Variants in KCNAB1 observed in about 807,000 individuals in gnomAD.
The protein encoded by KCNAB1 is voltage-gated potassium channel subunit beta-1.
A neutral mutation model predicts 64.6 loss-of-function variants in KCNAB1; 35 were observed. The ratio of observed to expected loss-of-function variants is 0.54; its 90% CI spans 0.41 to 0.72. KCNAB1 has a LOEUF of 0.72. KCNAB1 is among the 30% of genes least tolerant of loss of function. The pLI is 0.00. For missense variants in KCNAB1, 401 were observed against 512.9 expected, an observed-to-expected ratio of 0.78 and a Z score of 2.11; for synonymous variants, 177 against 183.8, an observed-to-expected ratio of 0.96 and a Z score of 0.30.
chr3:156,411,199 AT>A lies in KCNAB1; in HGVS notation c.276-10409del, dbSNP rs555194207. Among the ~76,000 whole-genome samples, 16 of 151,642 alleles carry A rather than the reference AT, an allele frequency of 1.1e-4. No individual in the cohort carries two copies. In the South Asian group the frequency reaches 2.7e-3, roughly 26 times the overall value. ...TTATATTTTCCTAATGGTGTTGAGC[AT>A]TTTTTTTCATATGCTTATTTGCCAT... is the stretch of plus-strand genomic sequence containing the variant. On this transcript the variant is annotated intron_variant, in intron 1 of 13. Coordinates refer to ENST00000490337, the MANE Select transcript of KCNAB1 (RefSeq NM_172160.3).
intron 1 of KCNAB1, among the ~76,000 whole-genome samples, chr3:156,312,611 C>G (rs535085419): frequency 1.2e-4 from 16 of 135,496 alleles, no homozygotes; most frequent in African/African-American, 4.5e-4. Context: ...ACTTGGGAGG[C>G]TGAGGCAGGA....
In KCNAB1 at chr3:156,281,316, C is replaced by A. The variant is rs1406353941; in HGVS notation, c.276-140300C>A. 2.0e-5 allele frequency among the ~76,000 whole-genome samples: 3 copies of A among 152,156 alleles called. No individual in the cohort carries two copies. In the East Asian group the frequency reaches 5.8e-4, roughly 29 times the overall value. ...AGCCTTGCATCCCAGGGATAAAGCC[C>A]ACTTGATCATGGTGGATAAGCTTTT... is the stretch of plus-strand genomic sequence containing the variant. On this transcript the variant is annotated intron_variant, in intron 1 of 13. Transcript: ENST00000490337.
In KCNAB1 at chr3:156,228,614, CCTT is replaced by C. The variant is rs1329536580; in HGVS notation, c.275+107731_275+107733del. 1.1e-4 allele frequency among the ~76,000 whole-genome samples: 17 copies of C among 152,280 alleles called. 1 individual carries two copies. Among genetic ancestry groups the C allele is most frequent in the African/African-American group, 4.1e-4 (17 of 41,550 alleles). The stretch of plus-strand genomic sequence containing the variant: ...GGTGGGAAGTGGGGAGGGCACCTCT[CCTT>C]CTCATGTTGCCTTCCACTGAAAGGC... On this transcript the variant is annotated intron_variant, in intron 1 of 13. Transcript: ENST00000490337.
At chr3:156,158,206 A>G (rs1715868917) in intron 1 of KCNAB1, among the ~76,000 whole-genome samples, 1 of 145,082 alleles carries the variant, frequency 6.9e-6, no homozygotes, top group Non-Finnish European at 1.5e-5. Flanking sequence ...AAATAAATAA[A>G]TAAATAAATA....
intron 1 of KCNAB1, among the ~76,000 whole-genome samples, chr3:156,326,727 G>T (rs1722988532): frequency 6.6e-6 from 1 of 152,064 alleles, no homozygotes; most frequent in African/African-American, 2.4e-5. Flanking sequence ...ATTTGGCATG[G>T]CTCCCTTCTG....
chr3:156,265,956 C>T (rs144082578), intron 1 of KCNAB1, among the ~76,000 whole-genome samples: 1 of 152,124 alleles, frequency 6.6e-6, no homozygotes, highest in Admixed American at 6.5e-5. Flanking sequence ...TGCACCACTG[C>T]ACTCCAGCCT....
intron 2 of KCNAB1, among the ~76,000 whole-genome samples, chr3:156,439,224 A>ATTTTTTTTTTTTTTTTTTTTT: frequency 8.7e-6 from 1 of 115,120 alleles, no homozygotes; most frequent in Non-Finnish European, 1.8e-5. Context: ...CATCATTGTG[A>ATTTTTTTTTTTTTTTTTTTTT]TTTTTTTTTT....
intron 1 of KCNAB1, among the ~76,000 whole-genome samples, chr3:156,295,648 C>G (rs1312164155): frequency 6.6e-6 from 1 of 152,166 alleles, no homozygotes; most frequent in Non-Finnish European, 1.5e-5. Flanking sequence ...GAACAAGATT[C>G]CACCTAATGT....
At chr3:156,361,825 A>G (rs1347189620) in intron 1 of KCNAB1, among the ~76,000 whole-genome samples, 7 of 152,022 alleles carry the variant, frequency 4.6e-5, no homozygotes, top group Non-Finnish European at 1.0e-4. Context: ...CACCCAGCCA[A>G]TTTTTAAAAT....
chr3:156,120,244 G>C (rs566482702), upstream of KCNAB1, among the ~76,000 whole-genome samples: 7 of 152,224 alleles, frequency 4.6e-5, no homozygotes, highest in African/African-American at 1.4e-4. Context: ...CATGATTATC[G>C]AATGTAATTT....
At chr3:156,299,666 G>A (rs1721025506) in intron 1 of KCNAB1, among the ~76,000 whole-genome samples, 1 of 152,150 alleles carries the variant, frequency 6.6e-6, no homozygotes, top group Admixed American at 6.5e-5. Context: ...CTTACTGCAG[G>A]TTGATTTTCA....
At chr3:156,271,559 G>A (rs1186942111) in intron 1 of KCNAB1, among the ~76,000 whole-genome samples, 3 of 151,928 alleles carry the variant, frequency 2.0e-5, no homozygotes, top group African/African-American at 7.3e-5. Context: ...CAATTTCTTT[G>A]TTAAACTCAT....
chr3:156,190,253 G>A (rs569433780), intron 1 of KCNAB1, among the ~76,000 whole-genome samples: 71 of 152,232 alleles, frequency 4.7e-4, no homozygotes, highest in Non-Finnish European at 7.4e-4. Context: ...AGCTGCAAAC[G>A]ATTTGCAATT....
At position 156,387,019 on chromosome 3, in the gene KCNAB1, T is replaced by C. The variant is rs866797299; in HGVS notation, c.276-34597T>C. Among the ~76,000 whole-genome samples, 898 of 144,982 alleles carry C rather than the reference T, an allele frequency of 6.2e-3. 22 individuals carry two copies. The highest frequency in any genetic ancestry group is 0.023 in the African/African-American group (846 of 37,056). ...CTTGCTTGCTTTCTCTCTCTCTTTT[T>C]TTTTTTTTTTTTTTTGCCTGTATGC... On this transcript the variant is annotated intron_variant, in intron 1 of 13. Transcript: ENST00000490337.
chr3:156,252,639 G>T (rs1383400245), intron 1 of KCNAB1, among the ~76,000 whole-genome samples: 1 of 152,162 alleles, frequency 6.6e-6, no homozygotes, highest in African/African-American at 2.4e-5. Context: ...GTGACTGATG[G>T]CTCACTTTAA....
At chr3:156,228,500 G>T (rs114706779) in intron 1 of KCNAB1, among the ~76,000 whole-genome samples, 1 of 152,062 alleles carries the variant, frequency 6.6e-6, no homozygotes, top group Non-Finnish European at 1.5e-5. Context: ...TTCACACAGC[G>T]TCTGCTGTTT....
At chr3:156,118,515 A>G (rs141283754), upstream of KCNAB1, among the ~76,000 whole-genome samples, 388 of 152,358 alleles carry the variant, frequency 2.5e-3, 4 homozygotes, top group South Asian at 0.028. Flanking sequence ...TCTCAATGAC[A>G]GGAGTGTCAA....
chr3:156,176,711 T>G (rs995051792), intron 1 of KCNAB1: 1 of 972,802 alleles, frequency 1.0e-6, no homozygotes, highest in Admixed American at 1.7e-5. Context: ...ATACTTCCCC[T>G]TCATGTCCAG....
In KCNAB1 at chr3:156,168,994, G is replaced by A. The variant is rs958852378; in HGVS notation, c.275+48108G>A. ...ATTTCTTTTCCAGTAGAAATAAGGC[G>A]AGGGATGATTTTCTATGAACACTGA... On this transcript the variant is annotated intron_variant, in intron 1 of 13. Coordinates refer to ENST00000490337, the MANE Select transcript of KCNAB1 (RefSeq NM_172160.3). 1.2e-4 allele frequency among the ~76,000 whole-genome samples: 16 copies of A among 138,526 alleles called. No individual in the cohort carries two copies. The East Asian group carries it at 1.2e-3, about 10-fold the overall frequency. 90.9% of individuals were successfully genotyped at this position (138,526 alleles called of 152,430 possible).
Sources: allele counts gnomAD v4.1 joint callset (sites outside exome capture counted in the v4.1 genomes callset), GRCh38; gene constraint gnomAD v4.1.1; transcripts MANE v1.5; gene names NCBI Gene and HGNC (gene_info 2026-07-23, HGNC 2026-07-21).